The following MDGA2 variants were observed in gnomAD, a reference collection of about 807,000 sequenced individuals.
The protein encoded by MDGA2 is MAM domain-containing glycosylphosphatidylinositol anchor protein 2.
A neutral mutation model predicts 117.8 loss-of-function variants in MDGA2; 40 were observed. The observed-to-expected ratio is 0.34, with a 90% CI of 0.26 to 0.44. The LOEUF (loss-of-function observed/expected upper bound fraction) is 0.44, where lower values mean the gene tolerates loss of function less well. Ranked by LOEUF, MDGA2 falls within the 20% of genes least tolerant of loss-of-function variation. The pLI is 1.00. For synonymous variants in MDGA2, 452 were observed against 439.0 expected (o/e 1.03, Z -0.37); for missense variants, 1,123 against 1,250.6 (o/e 0.90, Z 1.54).
chr14:47,418,201 C>G (rs905918932), intron 1 of MDGA2, among the ~76,000 whole-genome samples: 2 of 152,058 alleles, frequency 1.3e-5, no homozygotes, highest in Non-Finnish European at 2.9e-5. Flanking sequence ...CTCAACCTCC[C>G]GAGTTGAGGA....
intron 5 of MDGA2, among the ~76,000 whole-genome samples, chr14:47,109,560 C>G (rs1261276994): frequency 6.6e-6 from 1 of 152,028 alleles, no homozygotes; most frequent in Non-Finnish European, 1.5e-5. Flanking sequence ...AATAGGTGCT[C>G]AATAAAATTT....
chr14:46,930,803 C>T (rs930583713), intron 9 of MDGA2, among the ~76,000 whole-genome samples: 3 of 152,112 alleles, frequency 2.0e-5, no homozygotes, highest in Non-Finnish European at 4.4e-5. Flanking sequence ...AATTTATCTT[C>T]CTGTTTTTTA....
chr14:47,541,301 T>C (rs1461529719), intron 1 of MDGA2, among the ~76,000 whole-genome samples: 1 of 152,218 alleles, frequency 6.6e-6, no homozygotes, highest in Admixed American at 6.5e-5. Flanking sequence ...TAATTCAATT[T>C]GAGAACAAGA....
At chr14:46,873,630 C>A (rs763589166) in intron 13 of MDGA2, 39 bp from the exon 14 acceptor site, 2 of 1,532,414 alleles carry the variant, frequency 1.3e-6, no homozygotes, top group South Asian at 2.4e-5. Context: ...ACACATTATT[C>A]TTAGGCATAA....
At chr14:47,619,194 T>C (rs915619142) in intron 1 of MDGA2, among the ~76,000 whole-genome samples, 5 of 151,756 alleles carry the variant, frequency 3.3e-5, no homozygotes, top group Non-Finnish European at 7.4e-5. Context: ...GGAAACAATG[T>C]CTATACCGCA....
chr14:47,157,455 GAGAA>G (rs1555358820), intron 3 of MDGA2, among the ~76,000 whole-genome samples: 1 of 152,008 alleles, frequency 6.6e-6, no homozygotes, highest in Non-Finnish European at 1.5e-5. Flanking sequence ...TATTATTCTA[GAGAA>G]AGAGTTTTTG....
intron 1 of MDGA2, among the ~76,000 whole-genome samples, chr14:47,652,705 C>A (rs1897667618): frequency 6.6e-6 from 1 of 151,968 alleles, no homozygotes. Flanking sequence ...AAAATTAGTA[C>A]CTTATAACTC....
chr14:46,918,523 A>G (rs567162767), intron 10 of MDGA2, among the ~76,000 whole-genome samples: 2 of 152,258 alleles, frequency 1.3e-5, no homozygotes, highest in South Asian at 2.1e-4. Context: ...AATGGGTAGA[A>G]CGATGTTAAT....
chr14:46,986,911 T>C (rs910601215), intron 8 of MDGA2, among the ~76,000 whole-genome samples: 9 of 152,226 alleles, frequency 5.9e-5, no homozygotes, highest in Admixed American at 6.6e-5. Flanking sequence ...TTCTGAGAGA[T>C]GGACTTTATA....
At chr14:47,413,745 T>A (rs1176397246) in intron 1 of MDGA2, among the ~76,000 whole-genome samples, 1 of 151,702 alleles carries the variant, frequency 6.6e-6, no homozygotes, top group Admixed American at 6.6e-5. Context: ...TAATCCCTCA[T>A]TGGGATTAAA....
At chr14:46,922,856 TGA>T (rs994130695) in intron 9 of MDGA2, among the ~76,000 whole-genome samples, 6 of 152,214 alleles carry the variant, frequency 3.9e-5, no homozygotes, top group African/African-American at 1.4e-4. Flanking sequence ...GGGGCAAGAC[TGA>T]GAGACATCAG....
intron 11 of MDGA2, among the ~76,000 whole-genome samples, chr14:46,877,750 G>C (rs1882290213): frequency 6.6e-6 from 1 of 151,744 alleles, no homozygotes; most frequent in African/African-American, 2.4e-5. Flanking sequence ...ATGCTAAATA[G>C]CACAGGAAAT....
intron 9 of MDGA2, among the ~76,000 whole-genome samples, chr14:46,954,857 C>G (rs1010205395): frequency 6.6e-6 from 1 of 152,068 alleles, no homozygotes; most frequent in Non-Finnish European, 1.5e-5. Flanking sequence ...TTTACCCTCT[C>G]TGTATTCACT....
intron 2 of MDGA2, among the ~76,000 whole-genome samples, chr14:47,226,479 T>C (rs190899386): frequency 1.1e-3 from 172 of 152,190 alleles, no homozygotes; most frequent in African/African-American, 3.9e-3. Flanking sequence ...AATTTAACCT[T>C]TGAGGAATTT....
chr14:47,344,250 C>G (rs17118371), intron 1 of MDGA2, among the ~76,000 whole-genome samples: 1 of 151,982 alleles, frequency 6.6e-6, no homozygotes, highest in Non-Finnish European at 1.5e-5. Flanking sequence ...GCTGTATTGT[C>G]AGGACAAATG....
intron 2 of MDGA2, among the ~76,000 whole-genome samples, chr14:47,288,172 G>C (rs775086546): frequency 6.6e-6 from 1 of 152,206 alleles, no homozygotes; most frequent in Non-Finnish European, 1.5e-5. Flanking sequence ...TTTGGAATTT[G>C]AGAACCATTT....
At chr14:46,994,903 AG>A (rs1887230852) in intron 8 of MDGA2, among the ~76,000 whole-genome samples, 1 of 152,138 alleles carries the variant, frequency 6.6e-6, no homozygotes. Context: ...TCCTTTAATC[AG>A]TTTTCTGAAG....
intron 2 of MDGA2, among the ~76,000 whole-genome samples, chr14:47,292,232 T>A (rs1888915928): frequency 6.6e-6 from 1 of 152,202 alleles, no homozygotes; most frequent in African/African-American, 2.4e-5. Flanking sequence ...GCCTCTGAAG[T>A]TTCTCCTGAG....
intron 1 of MDGA2, among the ~76,000 whole-genome samples, chr14:47,486,455 C>T (rs1489658877): frequency 6.6e-6 from 1 of 152,072 alleles, no homozygotes; most frequent in African/African-American, 2.4e-5. Flanking sequence ...AGACTTTGGA[C>T]TCTGGACTTT....
Sources: allele counts gnomAD v4.1 joint callset (sites outside exome capture counted in the v4.1 genomes callset), GRCh38; gene constraint gnomAD v4.1.1; transcripts MANE v1.5; gene names NCBI Gene and HGNC (gene_info 2026-07-23, HGNC 2026-07-21).